Variants in TXLNG observed in about 807,000 individuals in gnomAD.
TXLNG encodes gamma-taxilin.
A neutral mutation model predicts 38.8 loss-of-function variants in TXLNG; 5 were observed. That is an observed-to-expected ratio of 0.13 (90% CI 0.07 to 0.27). TXLNG has a LOEUF of 0.27. TXLNG is among the 10% of genes least tolerant of loss of function. TXLNG has a pLI of 1.00. For synonymous variants in TXLNG, 182 were observed against 158.2 expected, an observed-to-expected ratio of 1.15 and a Z score of -1.13; for missense variants, 393 against 398.2, an observed-to-expected ratio of 0.99 and a Z score of 0.11.
At chrX:16,815,381 A>G (rs12838906) in intron 1 of TXLNG, among the ~76,000 whole-genome samples, 1 of 109,905 alleles carries the variant, frequency 9.1e-6, no homozygotes, top group Non-Finnish European at 1.9e-5. Flanking sequence ...CACCATGTTG[A>G]TCAGGCTGGT....
intron 1 of TXLNG, among the ~76,000 whole-genome samples, chrX:16,814,047 C>CT (rs370697476): frequency 2.0e-3 from 224 of 110,914 alleles, no homozygotes; most frequent in African/African-American, 7.1e-3. Context: ...GATCACGCCA[C>CT]TGCACTCCAG....
At chrX:16,837,122 A>G (rs370631953) in intron 7 of TXLNG, among the ~76,000 whole-genome samples, 6 of 111,698 alleles carry the variant, frequency 5.4e-5, no homozygotes, top group African/African-American at 1.6e-4. Flanking sequence ...GTTTTCTTTT[A>G]ATTTTACTCT....
At chrX:16,796,703 C>T (rs965791866) in intron 1 of TXLNG, among the ~76,000 whole-genome samples, 1 of 111,020 alleles carries the variant, frequency 9.0e-6, no homozygotes, top group Non-Finnish European at 1.9e-5. Context: ...TCTCCCTGTT[C>T]TCCTCCCTGG....
intron 1 of TXLNG, among the ~76,000 whole-genome samples, chrX:16,804,163 A>G (rs1928228262): frequency 8.9e-6 from 1 of 111,947 alleles, no homozygotes; most frequent in Non-Finnish European, 1.9e-5. Context: ...TGGCTTATAC[A>G]GTGTATGGAT....
At chrX:16,797,348 A>C (rs1927927525) in intron 1 of TXLNG, among the ~76,000 whole-genome samples, 1 of 111,886 alleles carries the variant, frequency 8.9e-6, no homozygotes, top group Non-Finnish European at 1.9e-5. Context: ...GATCACCCCA[A>C]AACTTACTGA....
At chrX:16,821,439 C>T (rs375626058) in intron 3 of TXLNG, among the ~76,000 whole-genome samples, 97 of 111,887 alleles carry the variant, frequency 8.7e-4, no homozygotes, top group African/African-American at 2.8e-3. Flanking sequence ...GTGCCTGGCC[C>T]GTGAGGGCAG....
Position 16,841,545 on chromosome X carries a change from A to G in TXLNG, c.1366A>G (p.Lys456Glu). ...NELNEKVEVLKEQVSIKAAIK... is the reference protein window; with the variant it reads ...NELNEKVEVLEEQVSIKAAIK... ...GCTCAATGAGAAGGTGGAAGTCCTGAAAGAGCAGGTATCCATCAAAGCGGC... is the reference window on the plus strand; with the variant it reads ...GCTCAATGAGAAGGTGGAAGTCCTGGAAGAGCAGGTATCCATCAAAGCGGC... Residue 456 changes from lysine (K) to glutamate (E), a missense_variant, in exon 10 of 10, where the codon AAA (lysine) becomes GAA (glutamate). Lys to Glu is a moderately conservative substitution (Grantham distance 56). Coordinates refer to ENST00000380122, the MANE Select transcript of TXLNG (RefSeq NM_018360.3). The G allele has an allele frequency of 8.3e-7, 1 of 1,212,060 alleles. No homozygotes were observed.
At chrX:16,830,888 T>TGTGTGTGTGTGTGTGTGTGTGTGTGTGG (rs1929385598) in intron 5 of TXLNG, among the ~76,000 whole-genome samples, 1 of 96,511 alleles carries the variant, frequency 1.0e-5, no homozygotes, top group African/African-American at 3.8e-5. Flanking sequence ...TGTGTGTGTA[T>TGTGTGTGTGTGTGTGTGTGTGTGTGTGG]AGAGACAGTT....
At chrX:16,804,885 A>T (rs1430424142) in intron 1 of TXLNG, among the ~76,000 whole-genome samples, 1 of 98,127 alleles carries the variant, frequency 1.0e-5, no homozygotes, top group Non-Finnish European at 2.0e-5. Flanking sequence ...AATTTCTCAT[A>T]CCTCACTGTC....
chrX:16,809,640 G>A (rs1337495816), intron 1 of TXLNG, among the ~76,000 whole-genome samples: 1 of 110,702 alleles, frequency 9.0e-6, no homozygotes, highest in Non-Finnish European at 1.9e-5. Context: ...CACCGCACCA[G>A]GCCAAGATAT....
intron 1 of TXLNG, among the ~76,000 whole-genome samples, chrX:16,818,020 A>G (rs993235209): frequency 1.1e-4 from 12 of 111,482 alleles, no homozygotes; most frequent in South Asian, 3.7e-4. Context: ...TTCTAAGAAT[A>G]AAAGTCTTGG....
chrX:16,815,044 A>G (rs1017234662), intron 1 of TXLNG, among the ~76,000 whole-genome samples: 9 of 112,082 alleles, frequency 8.0e-5, no homozygotes, highest in African/African-American at 2.6e-4. Context: ...CCTTTTTTCT[A>G]CGAATTTCAT....
intron 1 of TXLNG, among the ~76,000 whole-genome samples, chrX:16,808,126 C>T (rs1361356054): frequency 9.0e-6 from 1 of 111,519 alleles, no homozygotes; most frequent in Admixed American, 9.6e-5. Context: ...AGTATTGAGA[C>T]AGTGGAAGGA....
chrX:16,801,932 AT>A (rs1271281300), intron 1 of TXLNG, among the ~76,000 whole-genome samples: 1 of 88,671 alleles, frequency 1.1e-5, no homozygotes, highest in African/African-American at 4.1e-5. Flanking sequence ...TTTATTAGTG[AT>A]TTTTTTTTCT....
At position 16,841,418 on chromosome X, in the gene TXLNG, T is replaced by C. The variant is rs1929816724; in HGVS notation, c.1249-10T>C. On this transcript the variant is annotated splice_polypyrimidine_tract_variant and intron_variant, in intron 9 of 9. Transcript: ENST00000380122. ...TAACAGGGTTACAGAAATCCTCTTT[T>C]TTCTTACAGAAAACAGTCCGTGATA... is the stretch of plus-strand genomic sequence containing the variant. The C allele has an allele frequency of 8.5e-7, 1 of 1,177,129 alleles. No individual in the cohort carries two copies. The highest frequency in any genetic ancestry group is 1.1e-6 in the Non-Finnish European group (1 of 880,446).
At position 16,824,763 on chromosome X, in the gene TXLNG, A is replaced by T. The variant is rs7062349; in HGVS notation, c.499-3331A>T. On this transcript the variant is annotated intron_variant, in intron 3 of 9. Coordinates refer to ENST00000380122, the MANE Select transcript of TXLNG (RefSeq NM_018360.3). Reference sequence around the variant, plus strand: ...GAAAGCCCGTCTCTACTAAAAAAATAAAAAAAAAAAAATTAGCCGGGCATG... The same window carrying T: ...GAAAGCCCGTCTCTACTAAAAAAATTAAAAAAAAAAAATTAGCCGGGCATG... Among the ~76,000 whole-genome samples, 6 of 29,025 alleles carry T rather than the reference A, an allele frequency of 2.1e-4. No individual in the cohort carries two copies. In the African/African-American group the frequency reaches 3.8e-3, roughly 18 times the overall value. 25.2% of individuals were successfully genotyped at this position (29,025 alleles called of 115,157 possible). A position where few individuals can be genotyped will look rare whatever the true frequency, so the allele number is the denominator to read the frequency against.
chrX:16,834,897 G>A (rs1307285744), intron 7 of TXLNG, among the ~76,000 whole-genome samples: 1 of 111,566 alleles, frequency 9.0e-6, no homozygotes, highest in African/African-American at 3.3e-5. Context: ...ACATATAGCT[G>A]GGTGTGGTGG....
rs985641930 is a variant in TXLNG, at chrX:16,829,448, G to C, written c.670-128G>C. On this transcript the variant is annotated intron_variant, in intron 4 of 9. Transcript: ENST00000380122. ...GATAGCCTTCTGGTCATAAATAAGGGGGAGGAATTGTAGTTCAGAAGCAAC... is the reference window on the plus strand; with the variant it reads ...GATAGCCTTCTGGTCATAAATAAGGCGGAGGAATTGTAGTTCAGAAGCAAC... The C allele has an allele frequency of 4.9e-6, 3 of 613,622 alleles. No individual in the cohort carries two copies. The Admixed American group carries it at 1.2e-4, about 24-fold the overall frequency. 50.6% of individuals were successfully genotyped at this position (613,622 alleles called of 1,213,427 possible). A position where few individuals can be genotyped will look rare whatever the true frequency, so the allele number is the denominator to read the frequency against.
chrX:16,818,992 A>G, intron 2 of TXLNG, 115 bp downstream of exon 2: 2 of 792,104 alleles, frequency 2.5e-6, no homozygotes, highest in Non-Finnish European at 3.5e-6. Flanking sequence ...CAACACCCCT[A>G]GTGTCTTCGG....
Sources: allele counts gnomAD v4.1 joint callset (sites outside exome capture counted in the v4.1 genomes callset), GRCh38; gene constraint gnomAD v4.1.1; transcripts MANE v1.5; gene names NCBI Gene and HGNC (gene_info 2026-07-23, HGNC 2026-07-21).